DNAH17: variants seen among roughly 807,000 people sequenced by gnomAD.
DNAH17 encodes axonemal beta dynein heavy chain 17.
DNAH17 carries 376 observed loss-of-function variants against 485.6 expected under a neutral mutation model. The observed-to-expected ratio is 0.77, with a 90% CI of 0.71 to 0.84. The LOEUF is 0.84. Among genes scored for constraint, DNAH17 ranks in the 40% least tolerant of loss-of-function variants. The pLI is 0.00. For synonymous variants in DNAH17, 3,031 were observed against 2,405.9 expected (o/e 1.26, Z -7.60); for missense variants, 6,370 against 5,839.3 (o/e 1.09, Z -2.96).
intron 60 of DNAH17, 80 bp from the exon 61 acceptor site, chr17:78,459,288 C>T: frequency 7.3e-7 from 1 of 1,371,372 alleles, no homozygotes; most frequent in Non-Finnish European, 1.0e-6. Context: ...GAGTGTCTTG[C>T]CCAGGGTGGC....
At chr17:78,508,119 C>T (rs971586460) in intron 27 of DNAH17, among the ~76,000 whole-genome samples, 10 of 152,116 alleles carry the variant, frequency 6.6e-5, no homozygotes, top group African/African-American at 1.7e-4. Flanking sequence ...ACATAGTGCA[C>T]GCAAAGGAGA....
At chr17:78,515,801 C>T (rs1258174267) in intron 25 of DNAH17, among the ~76,000 whole-genome samples, 1 of 152,242 alleles carries the variant, frequency 6.6e-6, no homozygotes, top group Non-Finnish European at 1.5e-5. Flanking sequence ...ACAGCATGCA[C>T]TTTGCATGAA....
chr17:78,480,820 C>T (rs1334602278), intron 48 of DNAH17, 34 bp from the exon 49 acceptor site: 2 of 1,540,330 alleles, frequency 1.3e-6, no homozygotes, highest in Non-Finnish European at 8.9e-7. Context: ...TGTTGTGCCC[C>T]TGGCCTGGAG....
rs117103707 is a variant in DNAH17 at position 78,475,481 on chromosome 17, G to A, written c.8320-12C>T. The A allele has an allele frequency of 7.5e-4, 1,216 of 1,613,426 alleles. 9 individuals carry two copies. The East Asian group carries it at 0.015, about 20-fold the overall frequency. ...TCCTCAAACAGCACCTGCAGAAACC[G>A]GAGAGATCCCACAACATCTTGTAGC... On this transcript the variant is annotated splice_polypyrimidine_tract_variant and intron_variant, in intron 53 of 80. Coordinates refer to ENST00000389840, the MANE Select transcript of DNAH17 (RefSeq NM_173628.4).
rs563901436 is a variant in DNAH17, at chr17:78,438,211, G to T, written c.11806-343C>A. On this transcript the variant is annotated intron_variant, in intron 73 of 80. Coordinates refer to ENST00000389840, the MANE Select transcript of DNAH17 (RefSeq NM_173628.4). The stretch of plus-strand genomic sequence containing the variant: ...CTTGAAGCTGAGGGCTTCCCACCGG[G>T]GCCAGGCTTAGCCCTGTGGATTGAG... 1.4e-3 allele frequency among the ~76,000 whole-genome samples: 216 copies of T among 151,636 alleles called. 2 individuals carry two copies. The highest frequency in any genetic ancestry group is 5.0e-3 in the African/African-American group (208 of 41,360).
chr17:78,479,174 C>CAA, intron 50 of DNAH17, 58 bp from the exon 51 acceptor site: 1 of 1,543,776 alleles, frequency 6.5e-7, no homozygotes, highest in African/African-American at 1.4e-5. Flanking sequence ...CCAGGAAGTG[C>CAA]AAGCCTCAAG....
At chr17:78,543,445 C>G (rs563280844) in intron 17 of DNAH17, among the ~76,000 whole-genome samples, 2 of 152,070 alleles carry the variant, frequency 1.3e-5, no homozygotes, top group Admixed American at 1.3e-4. Flanking sequence ...CGCCCGCCAC[C>G]GCGCCCGGCT....
intron 34 of DNAH17, 174 bp from the exon 35 acceptor site, chr17:78,501,518 G>A (rs2090289404): frequency 3.0e-6 from 3 of 984,184 alleles, no homozygotes; most frequent in East Asian, 2.6e-5. Context: ...GTGGAATCTC[G>A]CTACAGAATG....
intron 25 of DNAH17, among the ~76,000 whole-genome samples, chr17:78,521,968 A>G (rs910789302): frequency 6.6e-6 from 1 of 152,250 alleles, no homozygotes; most frequent in Admixed American, 6.5e-5. Context: ...CCTGGGCGAC[A>G]GAGTGAGACT....
intron 25 of DNAH17, among the ~76,000 whole-genome samples, chr17:78,520,400 C>G (rs2090904918): frequency 6.6e-6 from 1 of 152,076 alleles, no homozygotes; most frequent in African/African-American, 2.4e-5. Flanking sequence ...AAGTAAAAGA[C>G]ATACAGAATG....
intron 43 of DNAH17, among the ~76,000 whole-genome samples, 159 bp from the exon 44 acceptor site, chr17:78,491,006 G>A (rs2089829018): frequency 1.3e-5 from 2 of 152,178 alleles, no homozygotes; most frequent in Admixed American, 1.3e-4. Flanking sequence ...CTTGGCCCAG[G>A]GCTTCTCTGC....
intron 10 of DNAH17, 66 bp downstream of exon 10, chr17:78,566,933 A>G (rs2092276976): frequency 6.5e-7 from 1 of 1,536,856 alleles, no homozygotes; most frequent in Non-Finnish European, 8.8e-7. Context: ...CACACCCCTA[A>G]GCTGGTACCG....
chr17:78,466,800 G>A lies in DNAH17; in HGVS notation c.8795C>T (p.Ser2932Phe). Residue 2932 changes from serine (S) to phenylalanine (F), a missense_variant, in exon 56 of 81, where the codon TCC (serine) becomes TTC (phenylalanine). Ser to Phe is a radical substitution (Grantham distance 155, BLOSUM62 -2). Coordinates refer to ENST00000389840, the MANE Select transcript of DNAH17 (RefSeq NM_173628.4). Reference sequence around the variant, plus strand: ...TACCCGCAGCACGGAGCCCACAGGGGAGAAACACAGGATCACCTGGGTGTG... The same window carrying A: ...TACCCGCAGCACGGAGCCCACAGGGAAGAAACACAGGATCACCTGGGTGTG... ...RRQLKVILCF[S>F]PVGSVLRVRA... 1.3e-6 allele frequency: 2 copies of A among 1,594,794 alleles called. No individual in the cohort carries two copies. The highest frequency in any genetic ancestry group is 1.7e-6 in the Non-Finnish European group (2 of 1,171,256).
chr17:78,483,814 T>C (rs1031328907), intron 48 of DNAH17, among the ~76,000 whole-genome samples: 2 of 151,946 alleles, frequency 1.3e-5, no homozygotes, highest in Non-Finnish European at 2.9e-5. Flanking sequence ...GAGACAACTA[T>C]GGCTGGGCAC....
rs1466535945 is a variant in DNAH17 at position 78,560,811 on chromosome 17, A to G, written c.1960T>C (p.Phe654Leu). 3.2e-6 allele frequency: 5 copies of G among 1,551,890 alleles called. No homozygotes were observed. The highest frequency in any genetic ancestry group is 4.4e-6 in the Non-Finnish European group (5 of 1,147,154). ...WVAGVDQDCH[F>L]NLGQPLILRD... ...AGAATCAGCGGCTGCCCCAGGTTAA[A>G]GTGGCAGTCCTGGTCCACGCCCGCC... is the stretch of plus-strand genomic sequence containing the variant. Residue 654 changes from phenylalanine (F) to leucine (L), a missense_variant, in exon 13 of 81, where the codon TTT becomes CTT. Transcript: ENST00000389840.
At chr17:78,534,640 G>A (rs1353808348) in intron 19 of DNAH17, among the ~76,000 whole-genome samples, 2 of 152,190 alleles carry the variant, frequency 1.3e-5, no homozygotes, top group Non-Finnish European at 2.9e-5. Context: ...GCATCTACCT[G>A]CTCCAGCTGA....
At chr17:78,535,689 C>G (rs2091356198) in intron 19 of DNAH17, among the ~76,000 whole-genome samples, 2 of 152,174 alleles carry the variant, frequency 1.3e-5, no homozygotes, top group South Asian at 4.1e-4. Flanking sequence ...TCCCTCTCCC[C>G]TCCCCTCCTT....
rs939737524 is a variant in DNAH17 at position 78,441,243 on chromosome 17, G to A, written c.11529-44C>T. On this transcript the variant is annotated intron_variant, in intron 71 of 80. Transcript: ENST00000389840. The stretch of plus-strand genomic sequence containing the variant: ...AGAGGCAGCGGAACCTGAGGCTCTG[G>A]GCCAGGGCGGGGCGCTCGGGGTGGG... 6 of 1,608,392 alleles carry A rather than the reference G, an allele frequency of 3.7e-6. No homozygotes were observed. The East Asian group carries it at 1.3e-4, about 36-fold the overall frequency.
At chr17:78,495,136 C>T (rs1211896045) in intron 38 of DNAH17, 39 bp from the exon 39 acceptor site, 2 of 1,547,580 alleles carry the variant, frequency 1.3e-6, no homozygotes, top group Non-Finnish European at 8.7e-7. Context: ...TCTGCCCACT[C>T]CCTCCCCAAC....
Sources: gnomAD v4.1 joint callset for allele counts (sites outside exome capture counted in the v4.1 genomes callset) on GRCh38, gnomAD v4.1.1 for gene constraint, MANE v1.5 for transcripts, NCBI Gene and HGNC (gene_info 2026-07-23, HGNC 2026-07-21) for gene names.